NAA25: variants seen among roughly 807,000 people sequenced by gnomAD.
The protein encoded by NAA25 is N-alpha-acetyltransferase 25, NatB auxiliary subunit, also known as N-terminal acetyltransferase B complex subunit NAA25.
NAA25 carries 30 observed loss-of-function variants against 132.5 expected under a neutral mutation model. The observed-to-expected ratio is 0.23, with a 90% CI of 0.17 to 0.31. The LOEUF is 0.31. Among genes scored for constraint, NAA25 ranks in the 10% least tolerant of loss-of-function variants. The pLI, the probability that NAA25 is intolerant of heterozygous loss-of-function variation, is 1.00. For missense variants in NAA25, 771 were observed against 1,150.4 expected, an observed-to-expected ratio of 0.67 and a Z score of 4.77; for synonymous variants, 359 against 401.9, an observed-to-expected ratio of 0.89 and a Z score of 1.28.
intron 23 of NAA25, among the ~76,000 whole-genome samples, chr12:112,030,478 T>G (rs910616408): frequency 3.9e-5 from 6 of 152,162 alleles, no homozygotes; most frequent in African/African-American, 7.2e-5. Flanking sequence ...GTTACAATAT[T>G]AACAAGTCTC....
intron 11 of NAA25, among the ~76,000 whole-genome samples, chr12:112,062,657 C>T (rs1566012889): frequency 6.6e-6 from 1 of 151,212 alleles, no homozygotes; most frequent in South Asian, 2.1e-4. Flanking sequence ...ACCCAGGAGG[C>T]GGTGGTTGCA....
intron 1 of NAA25, among the ~76,000 whole-genome samples, chr12:112,103,702 A>T (rs2079324957): frequency 6.6e-6 from 1 of 152,196 alleles, no homozygotes; most frequent in Non-Finnish European, 1.5e-5. Flanking sequence ...TCATTTATGA[A>T]CTAGAGCAGT....
At chr12:112,105,492 T>TG (rs1326697314) in intron 1 of NAA25, among the ~76,000 whole-genome samples, 5 of 152,176 alleles carry the variant, frequency 3.3e-5, no homozygotes, top group Non-Finnish European at 7.3e-5. Flanking sequence ...AACTTATTAG[T>TG]AATGTGAGAT....
rs2078308623 is a variant in NAA25 at position 112,042,119 on chromosome 12, CA to C, written c.2375-16del. The C allele has an allele frequency of 3.7e-6, 5 of 1,351,172 alleles. No homozygotes were observed. Among genetic ancestry groups the C allele is most frequent in the Middle Eastern group, 1.9e-4 (1 of 5,322 alleles). The allele number at this position is 1,351,172 out of a possible 1,614,324, so 83.7% of individuals were successfully genotyped here. On this transcript the variant is annotated splice_polypyrimidine_tract_variant and intron_variant, in intron 19 of 23. Transcript: ENST00000261745. Reference sequence around the variant, plus strand: ...CATTGTATCCTCTAAAATTGAAAAACAAAAAATGAAAAACTTTCAATTCTAT... The same window carrying C: ...CATTGTATCCTCTAAAATTGAAAAACAAAAATGAAAAACTTTCAATTCTAT...
At chr12:112,108,695 G>C in intron 1 of NAA25, 21 bp downstream of exon 1, 1 of 1,458,702 alleles carries the variant, frequency 6.9e-7, no homozygotes, top group Non-Finnish European at 9.1e-7. Context: ...GCTGGCGAGC[G>C]GGCTGGTCCA....
intron 11 of NAA25, among the ~76,000 whole-genome samples, chr12:112,062,774 G>A (rs2078655064): frequency 2.0e-5 from 3 of 151,904 alleles, no homozygotes; most frequent in Admixed American, 1.3e-4. Flanking sequence ...ATGTGAAGAG[G>A]CCGGGAGCAG....
intron 5 of NAA25, among the ~76,000 whole-genome samples, chr12:112,079,406 A>G (rs7311641): frequency 0.21 from 32,260 of 151,882 alleles, 5,532 homozygotes; most frequent in East Asian, 0.85. Context: ...CCAACATGGC[A>G]AAACCCCCGT....
At chr12:112,093,849 T>C (rs1176689228) in intron 1 of NAA25, among the ~76,000 whole-genome samples, 1 of 152,134 alleles carries the variant, frequency 6.6e-6, no homozygotes, top group Non-Finnish European at 1.5e-5. Flanking sequence ...GCCACTGCAC[T>C]CCAGTTTGGG....
chr12:112,108,561 AGGCCCGCGGCTGCGGCCTAGT>A (rs1383813464), intron 1 of NAA25, among the ~76,000 whole-genome samples, 134 bp downstream of exon 1: 1 of 151,638 alleles, frequency 6.6e-6, no homozygotes, highest in African/African-American at 2.4e-5. Flanking sequence ...CGCCTACGCG[AGGCCCGCGGCTGCGGCCTAGT>A]GGCCCGCGCG....
chr12:112,071,832 A>T, intron 10 of NAA25, 63 bp downstream of exon 10: 2 of 1,156,950 alleles, frequency 1.7e-6, no homozygotes, highest in Non-Finnish European at 2.3e-6. Flanking sequence ...ATCTCAACTA[A>T]TGAATATAGC....
At position 112,048,298 on chromosome 12, in the gene NAA25, G is replaced by A. The variant is rs747774014; in HGVS notation, c.1874C>T (p.Ala625Val). 2 of 1,611,494 alleles carry A rather than the reference G, an allele frequency of 1.2e-6. No individual in the cohort carries two copies. Among genetic ancestry groups the A allele is most frequent in the African/African-American group, 1.3e-5 (1 of 74,758 alleles). Reference protein sequence around the residue: ...ERMLLDLLLEANISTSLAESI... With the variant: ...ERMLLDLLLEVNISTSLAESI... Reference sequence around the variant, plus strand: ...GCTCTCATGCAATACTTACATATTTGCTTCAAGTAGAAGGTCTAACAGCAT... The same window carrying A: ...GCTCTCATGCAATACTTACATATTTACTTCAAGTAGAAGGTCTAACAGCAT... The change falls in exon 16 of 24, where the codon GCA becomes GTA. Residue 625 changes from alanine to valine, a missense_variant. Ala to Val is a moderately conservative substitution (Grantham distance 64). Transcript: ENST00000261745.
chr12:112,080,278 CA>C (rs762037242), intron 5 of NAA25, among the ~76,000 whole-genome samples: 3,664 of 51,214 alleles, frequency 0.072, 51 homozygotes, highest in African/African-American at 0.18. Context: ...GACTCTGTCT[CA>C]AAAAAAAAAA....
chr12:112,083,450 G>A (rs953873661), intron 4 of NAA25, among the ~76,000 whole-genome samples: 1 of 151,806 alleles, frequency 6.6e-6, no homozygotes, highest in African/African-American at 2.4e-5. Flanking sequence ...GGTTGCAGTG[G>A]GCCGGAATTG....
At chr12:112,033,410 A>G (rs1255481832) in intron 22 of NAA25, 31 bp from the exon 23 acceptor site, 1 of 1,574,016 alleles carries the variant, frequency 6.4e-7, no homozygotes, top group Non-Finnish European at 8.6e-7. Context: ...GAGTTGAAAC[A>G]TTATCAAACA....
At chr12:112,031,962 CT>C (rs1185437398) in intron 23 of NAA25, among the ~76,000 whole-genome samples, 4 of 147,642 alleles carry the variant, frequency 2.7e-5, no homozygotes, top group East Asian at 4.0e-4. Flanking sequence ...AACATGTCTG[CT>C]TTTTTTTTTC....
rs142176185 is a variant in NAA25, at chr12:112,083,238, G to C, written c.403-2104C>G. Among the ~76,000 whole-genome samples the C allele has an allele frequency of 2.5e-3, 384 of 152,310 alleles. 4 individuals are homozygous for C. Among genetic ancestry groups the C allele is most frequent in the African/African-American group, 8.6e-3 (358 of 41,574 alleles). ...CTCACGCCTGTAATCCCAACACTTT[G>C]AGAGGCCAAGGCAGGAAGATCACCT... On this transcript the variant is annotated intron_variant, in intron 4 of 23. Coordinates refer to ENST00000261745, the MANE Select transcript of NAA25 (RefSeq NM_024953.4).
At chr12:112,041,585 T>C (rs1040708096) in intron 20 of NAA25, among the ~76,000 whole-genome samples, 1 of 152,184 alleles carries the variant, frequency 6.6e-6, no homozygotes, top group African/African-American at 2.4e-5. Flanking sequence ...TATTAAATTC[T>C]TGGGAATTTA....
At position 112,057,958 on chromosome 12, in the gene NAA25, C is replaced by T. The variant is rs571598834; in HGVS notation, c.1447+2312G>A. 3.3e-5 allele frequency among the ~76,000 whole-genome samples: 5 copies of T among 151,878 alleles called. No homozygotes were observed. In the East Asian group the frequency reaches 5.8e-4, roughly 18 times the overall value. On this transcript the variant is annotated intron_variant, in intron 13 of 23. Transcript: ENST00000261745. ...ATTGTGCCATTGCACTCCAGTCTGGCGACAGAGCGAGACTTTGTCTCAAAA... is the reference window on the plus strand; with the variant it reads ...ATTGTGCCATTGCACTCCAGTCTGGTGACAGAGCGAGACTTTGTCTCAAAA...
At position 112,071,234 on chromosome 12, in the gene NAA25, T is replaced by C. The variant is rs974382806; in HGVS notation, c.1036+661A>G. Among the ~76,000 whole-genome samples, 41 of 152,356 alleles carry C rather than the reference T, an allele frequency of 2.7e-4. 1 individual carries two copies. Among genetic ancestry groups the C allele is most frequent in the African/African-American group, 9.6e-4 (40 of 41,588 alleles). ...GGGGTTACGGCCATGTTGGCCAGGCTGGTCTTGAACTCCTGAGCTCAGGTG... is the reference window on the plus strand; with the variant it reads ...GGGGTTACGGCCATGTTGGCCAGGCCGGTCTTGAACTCCTGAGCTCAGGTG... On this transcript the variant is annotated intron_variant, in intron 10 of 23. Coordinates refer to ENST00000261745, the MANE Select transcript of NAA25 (RefSeq NM_024953.4).
Sources: gnomAD v4.1 joint callset for allele counts (sites outside exome capture counted in the v4.1 genomes callset) on GRCh38, gnomAD v4.1.1 for gene constraint, MANE v1.5 for transcripts, NCBI Gene and HGNC (gene_info 2026-07-23, HGNC 2026-07-21) for gene names.